CYP24A1: variants seen among roughly 807,000 people sequenced by gnomAD.
CYP24A1 encodes 1,25-dihydroxyvitamin D(3) 24-hydroxylase, mitochondrial.
In CYP24A1, 68 loss-of-function variants were observed where a neutral mutation model predicts 62.4. The ratio of observed to expected loss-of-function variants is 1.09; its 90% CI spans 0.90 to 1.33. CYP24A1 has a LOEUF of 1.33. CYP24A1 is among the 40% of genes most tolerant of loss of function. CYP24A1 has a pLI of 0.00. For synonymous variants in CYP24A1, 267 were observed against 253.0 expected, an observed-to-expected ratio of 1.06 and a Z score of -0.52; for missense variants, 787 against 653.0, an observed-to-expected ratio of 1.21 and a Z score of -2.24.
In CYP24A1 at chr20:54,172,896, G is replaced by T; in HGVS notation, c.449+13C>A. 6.2e-7 allele frequency: 1 copy of T among 1,613,490 alleles called. No homozygotes were observed. The highest frequency in any genetic ancestry group is 1.1e-5 in the South Asian group (1 of 91,074). The stretch of plus-strand genomic sequence containing the variant: ...GTCTGGCCGCATGCCCAGGTCCCTC[G>T]GATTGGACTCACAGGATCAGCAGCC... On this transcript the variant is annotated intron_variant, in intron 2 of 11. Coordinates refer to ENST00000216862, the MANE Select transcript of CYP24A1 (RefSeq NM_000782.5).
intron 4 of CYP24A1, among the ~76,000 whole-genome samples, chr20:54,167,995 T>A (rs2092678368): frequency 6.6e-6 from 1 of 152,158 alleles, no homozygotes. Flanking sequence ...CAGCCCTCCA[T>A]GAGCTGGCTG....
intron 9 of CYP24A1, 132 bp downstream of exon 9, chr20:54,157,954 A>C: frequency 6.8e-7 from 1 of 1,464,100 alleles, no homozygotes; most frequent in Non-Finnish European, 9.2e-7. Context: ...GCAACATGTC[A>C]ACTATTCTCT....
the CYP24A1 span, among the ~76,000 whole-genome samples, chr20:54,144,218 T>C: frequency 1.0e-5 from 1 of 95,804 alleles, no homozygotes; most frequent in African/African-American, 4.8e-5. Context: ...CTTTCTTTCT[T>C]TTTTTTTTTT....
chr20:54,153,094 G>A (rs1411348599), downstream of CYP24A1, among the ~76,000 whole-genome samples: 1 of 152,136 alleles, frequency 6.6e-6, no homozygotes, highest in Non-Finnish European at 1.5e-5. Flanking sequence ...TGACTGCCAA[G>A]TGCCAGCCTC....
chr20:54,162,503 C>T (rs1284957946), intron 7 of CYP24A1: 4 of 559,762 alleles, frequency 7.1e-6, no homozygotes, highest in Non-Finnish European at 9.6e-6. Context: ...ATGGAGGCAC[C>T]GTGGCGTCTG....
At chr20:54,144,099 T>G in the CYP24A1 span, among the ~76,000 whole-genome samples, 117 of 152,322 alleles carry the variant, frequency 7.7e-4, no homozygotes, top group African/African-American at 2.6e-3. Flanking sequence ...GGACCTGAGC[T>G]GGGTAGTCAC....
chr20:54,144,846 C>A, the CYP24A1 span, among the ~76,000 whole-genome samples: 1 of 151,868 alleles, frequency 6.6e-6, no homozygotes, highest in Non-Finnish European at 1.5e-5. Flanking sequence ...GAAAAGAAGG[C>A]AAATTACCCA....
rs1298009390 is a variant in CYP24A1 at position 54,173,232 on chromosome 20, G to T, written c.258+90C>A. ...GCCCAGACGCCGAAGCGCACCATGC[G>T]CCCGAGGCGCGCATGTCGGGGAGGG... is the stretch of plus-strand genomic sequence containing the variant. On this transcript the variant is annotated intron_variant, in intron 1 of 11. Transcript: ENST00000216862. The surrounding 1 kb of genome is among the most constrained non-coding windows in gnomAD (Gnocchi z 7.2). The T allele has an allele frequency of 3.3e-6, 5 of 1,514,784 alleles. No homozygotes were observed. Among genetic ancestry groups the T allele is most frequent in the Middle Eastern group, 1.7e-4 (1 of 5,780 alleles). 93.8% of individuals were successfully genotyped at this position (1,514,784 alleles called of 1,614,324 possible). A position where few individuals can be genotyped will look rare whatever the true frequency, so the allele number is the denominator to read the frequency against.
intron 11 of CYP24A1, 55 bp from the exon 12 acceptor site, chr20:54,154,816 C>A (rs1199600977): frequency 2.6e-5 from 4 of 151,784 alleles, no homozygotes; most frequent in African/African-American, 4.8e-5. Flanking sequence ...AGTATCAACA[C>A]CTGGGCCTAA....
chr20:54,171,719 G>A (rs767011022), intron 2 of CYP24A1, 49 bp from the exon 3 acceptor site: 10 of 1,613,748 alleles, frequency 6.2e-6, no homozygotes, highest in African/African-American at 1.3e-5. Context: ...AAGAAAAGAA[G>A]GAGATGCAGA....
At chr20:54,147,545 A>T in the CYP24A1 span, among the ~76,000 whole-genome samples, 5 of 152,266 alleles carry the variant, frequency 3.3e-5, no homozygotes, top group East Asian at 9.7e-4. Flanking sequence ...CTGTTTTTTC[A>T]CAGAAGCCAG....
the CYP24A1 span, among the ~76,000 whole-genome samples, chr20:54,147,213 G>T: frequency 1.3e-5 from 2 of 152,320 alleles, no homozygotes; most frequent in East Asian, 3.9e-4. Flanking sequence ...CAGAGATTTG[G>T]CAAGGCCATG....
At chr20:54,157,351 C>G (rs1015389067) in intron 10 of CYP24A1, 37 bp downstream of exon 10, 49 of 1,491,854 alleles carry the variant, frequency 3.3e-5, no homozygotes, top group Non-Finnish European at 4.1e-5. Flanking sequence ...TGTGAAACAG[C>G]ACAGAACATA....
rs866972372 is a variant in CYP24A1 at position 54,173,569 on chromosome 20, G to T, written c.11C>A (p.Pro4His). MSS[P>H]ISKSRSLAAF... Reference sequence around the variant, plus strand: ...GGCAAGCGAGCGGCTCTTGCTGATGGGGGAGCTCATGGCAGCGGGGGACAC... The same window carrying T: ...GGCAAGCGAGCGGCTCTTGCTGATGTGGGAGCTCATGGCAGCGGGGGACAC... The change falls in exon 1 of 12, where the codon CCC (proline) becomes CAC (histidine). Residue 4 changes from proline (P) to histidine (H), a missense_variant. Physicochemically the swap from Pro to His is moderately conservative, Grantham distance 77. Coordinates refer to ENST00000216862, the MANE Select transcript of CYP24A1 (RefSeq NM_000782.5). This position sits in a 1 kb window ranked among gnomAD's most constrained non-coding sequence, Gnocchi z 7.2. 6.3e-7 allele frequency: 1 copy of T among 1,579,422 alleles called. No homozygotes were observed. The highest frequency in any genetic ancestry group is 2.3e-5 in the East Asian group (1 of 43,876).
chr20:54,171,529 T>A (rs755385967), intron 3 of CYP24A1, 48 bp downstream of exon 3: 1 of 1,613,566 alleles, frequency 6.2e-7, no homozygotes, highest in South Asian at 1.1e-5. Flanking sequence ...TCCACCAATA[T>A]CCCTATGTCC....
Position 54,157,407 on chromosome 20 carries a change from A to C in CYP24A1, c.1415T>G (p.Leu472Arg). 6.3e-7 allele frequency: 1 copy of C among 1,594,410 alleles called. No individual in the cohort carries two copies. Among genetic ancestry groups the C allele is most frequent in the African/African-American group, 1.3e-5 (1 of 74,648 alleles). ...TTTTACCCAACAAAGAGCCAAATGCAGTTGAAGCTCTGCTAATCGGCGACC... is the reference window on the plus strand; with the variant it reads ...TTTTACCCAACAAAGAGCCAAATGCCGTTGAAGCTCTGCTAATCGGCGACC... ...CIGRRLAELQ[L>R]HLALCWIVRK... is the part of the protein sequence containing the mutation. The change falls in exon 10 of 12, where the codon CTG (leucine) becomes CGG (arginine). Residue 472 changes from leucine (L) to arginine (R), a missense_variant. By Grantham distance (102) the Leu-to-Arg change is moderately radical. Coordinates refer to ENST00000216862, the MANE Select transcript of CYP24A1 (RefSeq NM_000782.5).
chr20:54,167,747 T>G (rs1057458387), intron 4 of CYP24A1, among the ~76,000 whole-genome samples: 55 of 151,762 alleles, frequency 3.6e-4, no homozygotes, highest in African/African-American at 1.3e-3. Flanking sequence ...CACTCCAGCC[T>G]GGGGCAGAGT....
chr20:54,172,198 T>A (rs2092696373), intron 2 of CYP24A1, among the ~76,000 whole-genome samples: 1 of 152,192 alleles, frequency 6.6e-6, no homozygotes, highest in Non-Finnish European at 1.5e-5. Context: ...CGTGCACTTG[T>A]AGGCACCTGC....
chr20:54,155,384 T>C (rs980923308), intron 11 of CYP24A1, among the ~76,000 whole-genome samples: 1 of 152,136 alleles, frequency 6.6e-6, no homozygotes, highest in African/African-American at 2.4e-5. Context: ...AACACAATGA[T>C]AGAATCCGGG....
Sources: gnomAD v4.1 joint callset for allele counts (sites outside exome capture counted in the v4.1 genomes callset) on GRCh38, gnomAD v4.1.1 for gene constraint, Gnocchi (gnomAD v3.1) non-coding constraint, MANE v1.5 for transcripts, NCBI Gene and HGNC (gene_info 2026-07-23, HGNC 2026-07-21) for gene names.